The following PSMD6 variants were observed in gnomAD, a reference collection of about 807,000 sequenced individuals.
PSMD6 encodes the protein 26S proteasome non-ATPase regulatory subunit 6.
PSMD6 carries 7 observed loss-of-function variants against 44.9 expected under a neutral mutation model. The ratio of observed to expected loss-of-function variants is 0.16; its 90% CI spans 0.09 to 0.29. PSMD6 has a LOEUF of 0.29. Among genes scored for constraint, PSMD6 ranks in the 10% least tolerant of loss-of-function variants. PSMD6 has a pLI of 1.00. For synonymous variants in PSMD6, 184 were observed against 172.7 expected (o/e 1.07, Z -0.51); for missense variants, 420 against 482.6 (o/e 0.87, Z 1.21).
chr3:64,019,025 T>A lies in PSMD6; in HGVS notation c.510A>T (p.Glu170Asp). 6.2e-7 allele frequency: 1 copy of A among 1,602,530 alleles called. No homozygotes were observed. Among genetic ancestry groups the A allele is most frequent in the Non-Finnish European group, 8.6e-7 (1 of 1,169,500 alleles). Residue 170 changes from glutamate to aspartate, a missense_variant, in exon 4 of 8, where the codon GAA becomes GAT. Physicochemically the swap from Glu to Asp is conservative, Grantham distance 45 (BLOSUM62 2). Transcript: ENST00000295901. The stretch of plus-strand genomic sequence containing the variant: ...GGTTTCTCCTGTCCCAGTCTCCTCC[T>A]TCTTCTATTAAGCTATGAAATAAAA... ...NTEKAKSLIEEGGDWDRRNRL... is the reference protein window; with the variant it reads ...NTEKAKSLIEDGGDWDRRNRL...
rs2075993703 is a variant in PSMD6, at chr3:64,013,420, T to C, written c.995+19A>G. The C allele has an allele frequency of 3.9e-6, 6 of 1,531,930 alleles. No homozygotes were observed. Among genetic ancestry groups the C allele is most frequent in the Admixed American group, 2.2e-5 (1 of 45,092 alleles). 94.9% of individuals were successfully genotyped at this position (1,531,930 alleles called of 1,614,324 possible). A position where few individuals can be genotyped will look rare whatever the true frequency, so the allele number is the denominator to read the frequency against. ...GGCAACTTTAAAACTTCAATTAACA[T>C]GGCATTATTCAAACTTACTGATCAA... On this transcript the variant is annotated intron_variant, in intron 6 of 7. Transcript: ENST00000295901.
intron 5 of PSMD6, 175 bp from the exon 6 acceptor site, chr3:64,013,782 G>A (rs2075999982): frequency 6.0e-6 from 3 of 499,428 alleles, no homozygotes; most frequent in Non-Finnish European, 6.8e-6. Context: ...ATAAAGGAGG[G>A]GCCAGGTATG....
upstream of PSMD6, chr3:64,024,003 T>C (rs2076177337): frequency 4.3e-6 from 2 of 465,336 alleles, no homozygotes; most frequent in Non-Finnish European, 7.5e-6. Context: ...ATCCACATTC[T>C]TTCTGCGGTT....
rs1181692056 is a variant in PSMD6, at chr3:64,013,623, T to C, written c.827-16A>G. On this transcript the variant is annotated splice_polypyrimidine_tract_variant and intron_variant, in intron 5 of 7. Coordinates refer to ENST00000295901, the MANE Select transcript of PSMD6 (RefSeq NM_014814.3). ...TCCACAACCGCTGCAATGAATAAAA[T>C]GACAAATTATAATAGACTCTCCGTT... The C allele has an allele frequency of 6.3e-7, 1 of 1,595,026 alleles. No individual in the cohort carries two copies. Among genetic ancestry groups the C allele is most frequent in the Non-Finnish European group, 8.5e-7 (1 of 1,172,500 alleles).
chr3:64,020,740 T>C (rs915626799), intron 2 of PSMD6, among the ~76,000 whole-genome samples: 2 of 152,210 alleles, frequency 1.3e-5, no homozygotes, highest in Non-Finnish European at 2.9e-5. Context: ...CCACATTAAG[T>C]AAAAACTATC....
At position 64,010,704 on chromosome 3, in the gene PSMD6, G is replaced by A. The variant is rs761592937; in HGVS notation, c.1134C>T (p.Asn378=). The A allele has an allele frequency of 5.6e-6, 9 of 1,609,702 alleles. No homozygotes were observed. The highest frequency in any genetic ancestry group is 5.9e-6 in the Non-Finnish European group (7 of 1,176,530). ...TTACTCTGGAAAGTTTTTGAACTCT[G>A]TTTAGTAGCAGATCTCCTTTCTTGA... ...ETIKKGDLLL[N]RVQKLSRVIN... Residue 378 remains asparagine (N), a synonymous_variant, in exon 8 of 8, where the codon AAC becomes AAT. Transcript: ENST00000295901.
rs776399613 is a variant in PSMD6, at chr3:64,023,381, C to A, written c.39G>T (p.Lys13Asn). The A allele has an allele frequency of 6.2e-6, 10 of 1,611,544 alleles. No homozygotes were observed. In the African/African-American group the frequency reaches 8.0e-5, roughly 13 times the overall value. Residue 13 changes from lysine to asparagine, a missense_variant, in exon 1 of 8, where the codon AAG becomes AAT. By Grantham distance (94) the Lys-to-Asn change is moderately conservative. Coordinates refer to ENST00000295901, the MANE Select transcript of PSMD6 (RefSeq NM_014814.3). Reference protein sequence around the residue: ...LENLEEEGLPKNPDLRIAQLR... With the variant: ...LENLEEEGLPNNPDLRIAQLR... Reference sequence around the variant, plus strand: ...GCTGCGCGATACGCAAGTCGGGGTTCTTGGGCAGACCCTCCTCCTCCAGGT... The same window carrying A: ...GCTGCGCGATACGCAAGTCGGGGTTATTGGGCAGACCCTCCTCCTCCAGGT...
At chr3:64,011,467 AAAGGGGATTTCATCT>A (rs1237272461) in intron 6 of PSMD6, 1 of 148,284 alleles carries the variant, frequency 6.7e-6, no homozygotes, top group Non-Finnish European at 1.5e-5. Flanking sequence ...CCATTTTAAA[AAAGGGGATTTCATCT>A]AAAATGTAAC....
chr3:64,010,799 C>CCAGT, intron 7 of PSMD6, 35 bp from the exon 8 acceptor site: 1 of 1,576,928 alleles, frequency 6.3e-7, no homozygotes, highest in Non-Finnish European at 8.7e-7. Flanking sequence ...GAATTATTTA[C>CCAGT]CAGTCACATT....
intron 5 of PSMD6, chr3:64,014,584 A>C (rs2076015157): frequency 6.6e-6 from 1 of 152,276 alleles, no homozygotes. Context: ...TGCAAGCAGG[A>C]AGACAGCAAC....
intron 3 of PSMD6, 121 bp from the exon 4 acceptor site, chr3:64,019,158 A>G: frequency 7.2e-7 from 1 of 1,382,532 alleles, no homozygotes; most frequent in Non-Finnish European, 1.0e-6. Context: ...GGAGATATTT[A>G]AATTATTTTA....
Position 64,013,510 on chromosome 3 carries a change from C to G in PSMD6, c.924G>C (p.Leu308=), listed in dbSNP as rs767817648. 6.2e-7 allele frequency: 1 copy of G among 1,613,648 alleles called. No individual in the cohort carries two copies. The highest frequency in any genetic ancestry group is 8.5e-7 in the Non-Finnish European group (1 of 1,179,724). Residue 308 remains leucine, a synonymous_variant, in exon 6 of 8, where the codon CTG becomes CTC. Coordinates refer to ENST00000295901, the MANE Select transcript of PSMD6 (RefSeq NM_014814.3). ...EMRIHAYSQL[L]ESYRSLTLGY... ...CAAGGGTTAATGACCTATATGATTC[C>G]AGCAGCTGACTGTATGCATGAATTC...
chr3:64,019,168 A>C, intron 3 of PSMD6, 128 bp downstream of exon 3: 1 of 1,380,978 alleles, frequency 7.2e-7, no homozygotes, highest in Non-Finnish European at 1.0e-6. Context: ...AAATTATTTT[A>C]CTAAATAAGT....
At chr3:64,023,498 G>C, upstream of PSMD6, 1 of 1,452,684 alleles carries the variant, frequency 6.9e-7, no homozygotes, top group South Asian at 1.4e-5. Context: ...AGGAGTCGGC[G>C]AATACGCCCG....
intron 5 of PSMD6, among the ~76,000 whole-genome samples, chr3:64,017,989 C>G (rs2076073573): frequency 6.6e-6 from 1 of 152,120 alleles, no homozygotes; most frequent in African/African-American, 2.4e-5. Flanking sequence ...GAGAAACAAG[C>G]AAATGTGTGA....
At chr3:64,022,724 C>T in intron 1 of PSMD6, 2 of 1,536,612 alleles carry the variant, frequency 1.3e-6, no homozygotes, top group Non-Finnish European at 1.7e-6. Context: ...GACGGCCAAT[C>T]CTGGCAATGC....
upstream of PSMD6, chr3:64,023,960 G>T (rs2106881667): frequency 1.4e-6 from 1 of 694,762 alleles, no homozygotes; most frequent in East Asian, 3.0e-5. Flanking sequence ...ATGTCGCAAG[G>T]CCTAAATGAA....
intron 6 of PSMD6, chr3:64,011,925 ATAATGCCCAGCCCGCACCC>A (rs1056119566): frequency 6.6e-6 from 1 of 152,368 alleles, no homozygotes; most frequent in African/African-American, 2.4e-5. Flanking sequence ...AAACACACTC[ATAATGCCCAGCCCGCACCC>A]TAATGAACAG....
intron 5 of PSMD6, chr3:64,015,641 G>GTACT (rs1453720868): frequency 1.3e-5 from 2 of 152,114 alleles, no homozygotes; most frequent in East Asian, 3.9e-4. Context: ...AGAAAAAAAG[G>GTACT]TACTTACAAA....
Sources: gnomAD v4.1 joint callset for allele counts (sites outside exome capture counted in the v4.1 genomes callset) on GRCh38, gnomAD v4.1.1 for gene constraint, MANE v1.5 for transcripts, NCBI Gene and HGNC (gene_info 2026-07-23, HGNC 2026-07-21) for gene names.